KSR2: variants seen among roughly 807,000 people sequenced by gnomAD.
KSR2 encodes the protein kinase suppressor of ras 2.
KSR2 carries 25 observed loss-of-function variants against 107.8 expected under a neutral mutation model. The observed-to-expected ratio is 0.23, with a 90% confidence interval of 0.17 to 0.32. The LOEUF (loss-of-function observed/expected upper bound fraction) is 0.32, where lower values mean the gene tolerates loss of function less well. Ranked by LOEUF, KSR2 falls within the 10% of genes least tolerant of loss-of-function variation. KSR2 has a pLI of 1.00. For missense variants in KSR2, 887 were observed against 1,268.9 expected, an observed-to-expected ratio of 0.70 and a Z score of 4.57; for synonymous variants, 480 against 507.0, an observed-to-expected ratio of 0.95 and a Z score of 0.71.
In KSR2 at chr12:117,841,199, C is replaced by T. The variant is rs540118671; in HGVS notation, c.472+14229G>A. On this transcript the variant is annotated intron_variant, in intron 3 of 19. Coordinates refer to ENST00000339824, the MANE Select transcript of KSR2 (RefSeq NM_173598.6). ...ACTATAATGAACTGGAGCCATCTCCCCTCAGCATATTTTAAAGGAAGGCAA... is the reference window on the plus strand; with the variant it reads ...ACTATAATGAACTGGAGCCATCTCCTCTCAGCATATTTTAAAGGAAGGCAA... Among the ~76,000 whole-genome samples, 7 of 152,176 alleles carry T rather than the reference C, an allele frequency of 4.6e-5. No individual in the cohort carries two copies. The East Asian group carries it at 1.4e-3, about 29-fold the overall frequency.
At chr12:117,826,113 G>A (rs1019034351) in intron 3 of KSR2, among the ~76,000 whole-genome samples, 11 of 151,492 alleles carry the variant, frequency 7.3e-5, no homozygotes, top group Non-Finnish European at 1.0e-4. Flanking sequence ...AAGGGGAGAT[G>A]GATAGAAACA....
chr12:117,677,387 G>C (rs2136521110), intron 4 of KSR2: 1 of 152,308 alleles, frequency 6.6e-6, no homozygotes, highest in Non-Finnish European at 1.5e-5. Context: ...CAACACACCA[G>C]GGATGTATAG....
At chr12:117,613,408 T>C (rs16947780) in intron 5 of KSR2, among the ~76,000 whole-genome samples, 3,116 of 152,166 alleles carry the variant, frequency 0.02, 110 homozygotes, top group African/African-American at 0.071. Flanking sequence ...ACTGGCCCTG[T>C]CTAAGTTGTC....
intron 3 of KSR2, among the ~76,000 whole-genome samples, chr12:117,778,075 A>G (rs1889756925): frequency 6.6e-6 from 1 of 152,200 alleles, no homozygotes; most frequent in South Asian, 2.1e-4. Context: ...CTCAATGCAC[A>G]AATTATATGT....
chr12:117,891,507 G>A (rs1373800433), intron 1 of KSR2, among the ~76,000 whole-genome samples: 1 of 151,882 alleles, frequency 6.6e-6, no homozygotes, highest in Non-Finnish European at 1.5e-5. Context: ...GGAGGCAAAG[G>A]TGGGAGGATT....
At chr12:117,518,427 C>A (rs998105403) in intron 14 of KSR2, among the ~76,000 whole-genome samples, 1 of 152,164 alleles carries the variant, frequency 6.6e-6, no homozygotes, top group African/African-American at 2.4e-5. Flanking sequence ...TCCTAAGAGC[C>A]CCACATAGGT....
intron 4 of KSR2, among the ~76,000 whole-genome samples, chr12:117,721,336 T>C (rs1003283260): frequency 6.6e-6 from 1 of 152,144 alleles, no homozygotes; most frequent in Non-Finnish European, 1.5e-5. Context: ...CAACTATCTA[T>C]GAATGTAGGT....
chr12:117,863,338 G>C (rs1301288625), intron 1 of KSR2, among the ~76,000 whole-genome samples: 1 of 152,170 alleles, frequency 6.6e-6, no homozygotes, highest in Admixed American at 6.5e-5. Flanking sequence ...CATCGTCCCT[G>C]CTGCCATCTG....
At chr12:117,747,937 A>T (rs1888470675) in intron 4 of KSR2, among the ~76,000 whole-genome samples, 1 of 152,224 alleles carries the variant, frequency 6.6e-6, no homozygotes, top group South Asian at 2.1e-4. Flanking sequence ...AAGATTCAGA[A>T]ATCCCACTAC....
chr12:117,520,989 T>C (rs1477795342), intron 14 of KSR2, among the ~76,000 whole-genome samples: 1 of 152,148 alleles, frequency 6.6e-6, no homozygotes, highest in Non-Finnish European at 1.5e-5. Context: ...ATATCAGTAG[T>C]GCTGAAGATG....
At chr12:117,582,740 AG>A (rs1879745505) in intron 5 of KSR2, among the ~76,000 whole-genome samples, 1 of 152,214 alleles carries the variant, frequency 6.6e-6, no homozygotes, top group African/African-American at 2.4e-5. Context: ...GAAAAAACTG[AG>A]GCTTGGAGAG....
intron 5 of KSR2, among the ~76,000 whole-genome samples, chr12:117,664,258 C>T (rs1884557483): frequency 6.6e-6 from 1 of 152,160 alleles, no homozygotes; most frequent in African/African-American, 2.4e-5. Flanking sequence ...GGTTGTGAGG[C>T]TTGGCCACAC....
chr12:117,471,211 C>A lies in KSR2; in HGVS notation c.2692G>T (p.Gly898Cys). 6.2e-7 allele frequency: 1 copy of A among 1,613,898 alleles called. No homozygotes were observed. Among genetic ancestry groups the A allele is most frequent in the Non-Finnish European group, 8.5e-7 (1 of 1,179,834 alleles). ...CTTACCGAGATTTCTTTTCCCATGCCAATCTGGCTGAGGTTGGGTTTCATG... is the reference window on the plus strand; with the variant it reads ...CTTACCGAGATTTCTTTTCCCATGCAAATCTGGCTGAGGTTGGGTTTCATG... ...TGMKPNLSQI[G>C]MGKEISDILL... The change falls in exon 18 of 20, where the codon GGC (glycine) becomes TGC (cysteine). Residue 898 changes from glycine (G) to cysteine (C), a missense_variant. Gly to Cys is a radical substitution (Grantham distance 159, BLOSUM62 -3). Around this residue, in one of 8 missense-constraint regions of KSR2, gnomAD observed 308 missense variants for 506.2 expected, o/e 0.61. Coordinates refer to ENST00000339824, the MANE Select transcript of KSR2 (RefSeq NM_173598.6).
chr12:117,677,178 T>G (rs1199418225), intron 4 of KSR2: 3 of 152,192 alleles, frequency 2.0e-5, no homozygotes, highest in Non-Finnish European at 4.4e-5. Context: ...TCTTAAGACA[T>G]TCTCTTGGTT....
chr12:117,517,814 C>T (rs1026377381), intron 14 of KSR2: 14 of 455,588 alleles, frequency 3.1e-5, no homozygotes, highest in African/African-American at 2.0e-4. Context: ...CTCAGGCCCC[C>T]CAACTCCTGT....
chr12:117,514,647 C>A (rs1026939666), intron 14 of KSR2, among the ~76,000 whole-genome samples: 1 of 151,276 alleles, frequency 6.6e-6, no homozygotes, highest in African/African-American at 2.4e-5. Context: ...CTCCCAGGCT[C>A]AAGCAATCCT....
intron 3 of KSR2, among the ~76,000 whole-genome samples, chr12:117,798,053 G>A (rs1015192722): frequency 9.9e-5 from 15 of 151,968 alleles, no homozygotes; most frequent in Non-Finnish European, 1.5e-4. Context: ...CCCTGATCCC[G>A]TGTCACTGAC....
rs549611241 is a variant in KSR2 at position 117,608,965 on chromosome 12, G to A, written c.1172-26606C>T. ...TTCTGGGAGGTTGTCCACAGCTAGGGAGTCTCCCCACTATATTCTGTCCAC... is the reference window on the plus strand; with the variant it reads ...TTCTGGGAGGTTGTCCACAGCTAGGAAGTCTCCCCACTATATTCTGTCCAC... On this transcript the variant is annotated intron_variant, in intron 5 of 19. Coordinates refer to ENST00000339824, the MANE Select transcript of KSR2 (RefSeq NM_173598.6). 2.2e-3 allele frequency among the ~76,000 whole-genome samples: 341 copies of A among 152,192 alleles called. 2 individuals are homozygous for A. The highest frequency in any genetic ancestry group is 7.8e-3 in the African/African-American group (325 of 41,520).
In KSR2 at chr12:117,494,027, C is replaced by T. The variant is rs529574293; in HGVS notation, c.2220-8336G>A. 1.1e-4 allele frequency among the ~76,000 whole-genome samples: 17 copies of T among 152,204 alleles called. No individual in the cohort carries two copies. In the South Asian group the frequency reaches 2.3e-3, roughly 20 times the overall value. On this transcript the variant is annotated intron_variant, in intron 14 of 19. Coordinates refer to ENST00000339824, the MANE Select transcript of KSR2 (RefSeq NM_173598.6). ...GTCTCCGGTAGGTCTTTGTCAGCAG[C>T]GTGAAAATGGACTAATACGGGCAGG...
Sources: gnomAD v4.1 joint callset for allele counts (sites outside exome capture counted in the v4.1 genomes callset) on GRCh38, gnomAD v4.1.1 for gene constraint, gnomAD v4.1.1 regional missense constraint, MANE v1.5 for transcripts, NCBI Gene and HGNC (gene_info 2026-07-23, HGNC 2026-07-21) for gene names.